The following CRNKL1 variants were observed in gnomAD, a reference collection of about 807,000 sequenced individuals.
CRNKL1 encodes crooked neck pre-mRNA splicing factor 1.
A neutral mutation model predicts 103.7 loss-of-function variants in CRNKL1; 35 were observed. The ratio of observed to expected loss-of-function variants is 0.34; its 90% confidence interval spans 0.26 to 0.45. CRNKL1 has a LOEUF of 0.45. Among genes scored for constraint, CRNKL1 ranks in the 20% least tolerant of loss-of-function variants. CRNKL1 has a pLI of 1.00. For synonymous variants in CRNKL1, 267 were observed against 282.6 expected (o/e 0.94, Z 0.55); for missense variants, 645 against 836.0 (o/e 0.77, Z 2.82).
upstream of CRNKL1, chr20:20,052,601 G>A: frequency 1.2e-6 from 2 of 1,613,744 alleles, no homozygotes; most frequent in Non-Finnish European, 1.7e-6. Flanking sequence ...GGTGGGTAAC[G>A]CCGTGCTGAC....
chr20:20,038,109 T>C (rs566227612), intron 12 of CRNKL1, among the ~76,000 whole-genome samples: 5 of 151,766 alleles, frequency 3.3e-5, no homozygotes. Flanking sequence ...ATAGTTTAAC[T>C]TTTTTTCAAT....
intron 12 of CRNKL1, among the ~76,000 whole-genome samples, chr20:20,037,884 C>T (rs1006169005): frequency 6.6e-5 from 10 of 152,038 alleles, no homozygotes; most frequent in African/African-American, 1.4e-4. Flanking sequence ...GTCAAGAGAT[C>T]GAGACCATCC....
At position 20,047,780 on chromosome 20, in the gene CRNKL1, T is replaced by C. The variant is rs938376271; in HGVS notation, c.607A>G (p.Thr203Ala). The C allele has an allele frequency of 8.1e-6, 13 of 1,614,080 alleles. No homozygotes were observed. The highest frequency in any genetic ancestry group is 1.1e-5 in the South Asian group (1 of 91,088). The part of the protein sequence containing the change: ...LRYKEVDRAR[T>A]IYERFVLVHP... ...CAAAGGATATATCGCTCATAAATGGTGCGGGCCCGATCCACCTCTTTGTAT... is the reference window on the plus strand; with the variant it reads ...CAAAGGATATATCGCTCATAAATGGCGCGGGCCCGATCCACCTCTTTGTAT... Residue 203 changes from threonine to alanine, a missense_variant, in exon 5 of 14, where the codon ACC becomes GCC. Around this residue, in one of 2 missense-constraint regions of CRNKL1, gnomAD observed 582 missense variants for 707.7 expected, o/e 0.82. Coordinates refer to ENST00000536226, the MANE Select transcript of CRNKL1 (RefSeq NM_001278628.2).
At chr20:20,054,433 A>G (rs1426854768), upstream of CRNKL1, among the ~76,000 whole-genome samples, 3 of 152,182 alleles carry the variant, frequency 2.0e-5, no homozygotes, top group Non-Finnish European at 1.5e-5. Context: ...ACATACATAC[A>G]CATATACACA....
Position 20,052,457 on chromosome 20 carries a change from A to T in CRNKL1, c.-115T>A. The T allele has an allele frequency of 6.2e-7, 1 of 1,614,224 alleles. No homozygotes were observed. Among genetic ancestry groups the T allele is most frequent in the Non-Finnish European group, 8.5e-7 (1 of 1,180,032 alleles). On this transcript the variant is annotated 5_prime_UTR_variant, in exon 1 of 14. Transcript: ENST00000536226. ...AAAACAAACAGGATCTCGGAACCGG[A>T]AGCGGAACTTGCAGGACTGACCTTT... is the stretch of plus-strand genomic sequence containing the variant.
At chr20:20,049,477 A>G (rs2146503227) in intron 2 of CRNKL1, 46 bp from the exon 3 acceptor site, 1 of 957,274 alleles carries the variant, frequency 1.0e-6, no homozygotes, top group East Asian at 2.4e-5. Flanking sequence ...AATGACTAAA[A>G]ATGACAGCAC....
At chr20:20,037,219 C>G in intron 13 of CRNKL1, 104 bp downstream of exon 13, 2 of 1,375,192 alleles carry the variant, frequency 1.5e-6, no homozygotes, top group Non-Finnish European at 2.0e-6. Flanking sequence ...GGTCTGCTTC[C>G]ATTCTAAGAT....
chr20:20,052,647 A>G (rs958218587), upstream of CRNKL1: 24 of 1,613,394 alleles, frequency 1.5e-5, no homozygotes, highest in Admixed American at 3.0e-4. Context: ...CAGGGCGTCC[A>G]GGGCGCATCC....
At position 20,052,338 on chromosome 20, in the gene CRNKL1, G is replaced by A. The variant is rs867110263; in HGVS notation, c.5C>T (p.Ala2Val). The A allele has an allele frequency of 1.2e-6, 2 of 1,613,258 alleles. No individual in the cohort carries two copies. Among genetic ancestry groups the A allele is most frequent in the Non-Finnish European group, 1.7e-6 (2 of 1,179,788 alleles). M[A>V]ASTAAGKQRI... The stretch of plus-strand genomic sequence containing the variant: ...CTGCTTCCCGGCCGCGGTGGAGGCC[G>A]CCATGTCTGCAGCAGTCGACCTCTG... The change falls in exon 1 of 14, where the codon GCG (alanine) becomes GTG (valine). Residue 2 changes from alanine to valine, a missense_variant. Ala to Val is a moderately conservative substitution (Grantham distance 64). Around this residue, in one of 2 missense-constraint regions of CRNKL1, gnomAD observed 63 missense variants for 128.3 expected, o/e 0.49. Coordinates refer to ENST00000536226, the MANE Select transcript of CRNKL1 (RefSeq NM_001278628.2).
rs776183379 is a variant in CRNKL1 at position 20,037,696 on chromosome 20, C to G, written c.1648-125G>C. ...TAATGTGTGCATCACTAATGTTTCA[C>G]AGATGAAAACAATGAATATATGCTT... On this transcript the variant is annotated intron_variant, in intron 12 of 13. Coordinates refer to ENST00000536226, the MANE Select transcript of CRNKL1 (RefSeq NM_001278628.2). 31 of 823,238 alleles carry G rather than the reference C, an allele frequency of 3.8e-5. No homozygotes were observed. In the Admixed American group the frequency reaches 4.0e-4, roughly 11 times the overall value. The allele number at this position is 823,238 out of a possible 1,614,324, so 51.0% of individuals were successfully genotyped here. A position where few individuals can be genotyped will look rare whatever the true frequency, so the allele number is the denominator to read the frequency against.
At chr20:20,047,363 T>A (rs2043609655) in intron 5 of CRNKL1, among the ~76,000 whole-genome samples, 1 of 152,216 alleles carries the variant, frequency 6.6e-6, no homozygotes, top group African/African-American at 2.4e-5. Context: ...TAGGTATAAG[T>A]AATCTAGAGA....
At chr20:20,041,863 G>T (rs2273053) in intron 8 of CRNKL1, among the ~76,000 whole-genome samples, 22,206 of 152,140 alleles carry the variant, frequency 0.15, 3,167 homozygotes, top group East Asian at 0.6. Context: ...GTAGAAAGCC[G>T]TTTTGCCTGA....
At position 20,043,677 on chromosome 20, in the gene CRNKL1, G is replaced by A. The variant is rs374422730; in HGVS notation, c.802-15C>T. ...ACCCTTTCAAACTAAATGCAGACAGGATGATTACCTTCTATAACACAATAT... is the reference window on the plus strand; with the variant it reads ...ACCCTTTCAAACTAAATGCAGACAGAATGATTACCTTCTATAACACAATAT... On this transcript the variant is annotated splice_polypyrimidine_tract_variant and intron_variant, in intron 6 of 13. Coordinates refer to ENST00000536226, the MANE Select transcript of CRNKL1 (RefSeq NM_001278628.2). The A allele has an allele frequency of 2.5e-6, 4 of 1,606,860 alleles. No homozygotes were observed. The highest frequency in any genetic ancestry group is 2.2e-5 in the East Asian group (1 of 44,718).
chr20:20,052,568 C>T (rs1225908761), upstream of CRNKL1: 10 of 1,613,884 alleles, frequency 6.2e-6, no homozygotes, highest in Non-Finnish European at 8.5e-6. Context: ...GCGTGGAGTG[C>T]GGCGTCCTGG....
chr20:20,045,560 C>G, intron 5 of CRNKL1, 74 bp from the exon 6 acceptor site: 7 of 1,354,730 alleles, frequency 5.2e-6, no homozygotes, highest in Non-Finnish European at 7.1e-6. Flanking sequence ...AACACCAAAA[C>G]CATACCAAAG....
In CRNKL1 at chr20:20,036,024, A is replaced by G; in HGVS notation, c.*171T>C. On this transcript the variant is annotated 3_prime_UTR_variant, in exon 14 of 14. Transcript: ENST00000536226. ...GCAGTTAAAAAAGTCCTTTACTTGC[A>G]ATCCCTACCCCTAGCTAACCCAAGA... is the stretch of plus-strand genomic sequence containing the variant. 1 of 663,462 alleles carries G rather than the reference A, an allele frequency of 1.5e-6. No individual in the cohort carries two copies. The highest frequency in any genetic ancestry group is 3.4e-5 in the Admixed American group (1 of 29,578). 41.1% of individuals were successfully genotyped at this position (663,462 alleles called of 1,614,324 possible).
upstream of CRNKL1, among the ~76,000 whole-genome samples, chr20:20,054,412 T>TACACACACACAC (rs759860912): frequency 3.3e-5 from 5 of 151,468 alleles, no homozygotes; most frequent in African/African-American, 9.8e-5. Context: ...TATATATATA[T>TACACACACACAC]ATACACACAC....
Position 20,048,411 on chromosome 20 carries a change from G to A in CRNKL1, c.387C>T (p.Arg129=). ...AGATATTTCGAGCATGGTTGACTTG[G>A]CGATTCTTCATTTCCATTTCTGCGT... ...LKYAEMEMKN[R]QVNHARNIWD... Residue 129 remains arginine, a synonymous_variant, in exon 4 of 14, where the codon CGC becomes CGT. Coordinates refer to ENST00000536226, the MANE Select transcript of CRNKL1 (RefSeq NM_001278628.2). 1 of 1,614,162 alleles carries A rather than the reference G, an allele frequency of 6.2e-7. No homozygotes were observed. Among genetic ancestry groups the A allele is most frequent in the Non-Finnish European group, 8.5e-7 (1 of 1,180,028 alleles).
chr20:20,037,333 G>C lies in CRNKL1; in HGVS notation c.1886C>G (p.Thr629Ser). 6.2e-7 allele frequency: 1 copy of C among 1,613,872 alleles called. No individual in the cohort carries two copies. The highest frequency in any genetic ancestry group is 1.1e-5 in the South Asian group (1 of 91,078). ...GGGCAGAGTTCTTACCCCATCATCA[G>C]TCTGGACCTTTCTTCTCTTCTTGAC... ...EKVKKRRKVQTDDGSDAGWEE... is the reference protein window; with the variant it reads ...EKVKKRRKVQSDDGSDAGWEE... The change falls in exon 13 of 14, where the codon ACT (threonine) becomes AGT (serine). Residue 629 changes from threonine (T) to serine (S), a missense_variant. This residue lies in a region of CRNKL1 where 582 missense variants were observed against 707.7 expected (regional missense o/e 0.82). Coordinates refer to ENST00000536226, the MANE Select transcript of CRNKL1 (RefSeq NM_001278628.2).
Sources: gnomAD v4.1 joint callset for allele counts (sites outside exome capture counted in the v4.1 genomes callset) on GRCh38, gnomAD v4.1.1 for gene constraint, gnomAD v4.1.1 regional missense constraint, MANE v1.5 for transcripts, NCBI Gene and HGNC (gene_info 2026-07-23, HGNC 2026-07-21) for gene names.